The following PIN4 variants were observed in gnomAD, a reference collection of about 807,000 sequenced individuals.
The protein encoded by PIN4 is peptidylprolyl cis/trans isomerase, NIMA-interacting 4.
In PIN4, 3 loss-of-function variants were observed where a neutral mutation model predicts 8.3. The ratio of observed to expected loss-of-function variants is 0.36; its 90% confidence interval spans 0.16 to 0.93. The LOEUF (loss-of-function observed/expected upper bound fraction) is 0.93, where lower values mean the gene tolerates loss of function less well. Among genes scored for constraint, PIN4 ranks in the 40% least tolerant of loss-of-function variants. PIN4 has a pLI of 0.44. For synonymous variants in PIN4, 18 were observed against 32.5 expected (o/e 0.55, Z 1.52); for missense variants, 75 against 100.6 (o/e 0.75, Z 1.09).
intron 3 of PIN4, among the ~76,000 whole-genome samples, chrX:72,221,475 C>T (rs926974956): frequency 9.0e-6 from 1 of 111,088 alleles, no homozygotes; most frequent in Non-Finnish European, 1.9e-5. Context: ...AGAACAAAAA[C>T]AGACACCCTC....
chrX:72,182,314 G>A (rs113251723), intron 1 of PIN4, among the ~76,000 whole-genome samples: 12,035 of 111,184 alleles, frequency 0.11, 823 homozygotes, highest in East Asian at 0.47. Flanking sequence ...GGCCGAGGGA[G>A]GATGGATCAC....
chrX:72,245,927 C>G (rs758740703), intron 3 of PIN4, among the ~76,000 whole-genome samples: 1 of 111,631 alleles, frequency 9.0e-6, no homozygotes, highest in African/African-American at 3.3e-5. Flanking sequence ...GATAGAGAAA[C>G]CTTTGACAAG....
exon 4 of PIN4, chrX:72,263,043 C>T: frequency 3.5e-6 from 1 of 284,193 alleles, no homozygotes; most frequent in Non-Finnish European, 6.2e-6. Context: ...TTCATTTGTT[C>T]AGCACCCACA....
intron 3 of PIN4, among the ~76,000 whole-genome samples, chrX:72,251,878 A>G (rs939716523): frequency 2.3e-4 from 26 of 111,047 alleles, no homozygotes; most frequent in Non-Finnish European, 7.5e-5. Flanking sequence ...GCAATGAGCT[A>G]TGATTGCACC....
chrX:72,230,332 C>G (rs1358462245), intron 3 of PIN4, among the ~76,000 whole-genome samples: 1 of 110,546 alleles, frequency 9.0e-6, no homozygotes, highest in Non-Finnish European at 1.9e-5. Flanking sequence ...CTTGAGATAA[C>G]CCGCCTTGGC....
chrX:72,192,735 A>G (rs2042742236), intron 2 of PIN4, among the ~76,000 whole-genome samples: 1 of 110,597 alleles, frequency 9.0e-6, no homozygotes, highest in African/African-American at 3.3e-5. Flanking sequence ...CTAAGACTAC[A>G]GATGTGCACC....
intron 3 of PIN4, among the ~76,000 whole-genome samples, chrX:72,256,810 C>A (rs1231306287): frequency 1.8e-5 from 2 of 111,924 alleles, no homozygotes; most frequent in Non-Finnish European, 3.8e-5. Context: ...GCAAGCCATG[C>A]AGACTTCCAA....
exon 4 of PIN4, chrX:72,262,753 G>A (rs1194526560): frequency 7.0e-6 from 8 of 1,149,720 alleles, no homozygotes; most frequent in Admixed American, 5.2e-5. Flanking sequence ...GACCTGAGAA[G>A]CACCCTCATC....
intron 2 of PIN4, among the ~76,000 whole-genome samples, chrX:72,194,267 G>T (rs1462609539): frequency 1.8e-5 from 2 of 111,328 alleles, no homozygotes; most frequent in Non-Finnish European, 3.8e-5. Context: ...GGGTATGGTG[G>T]CTCATGTCTG....
At chrX:72,220,747 A>T (rs771736928) in intron 3 of PIN4, among the ~76,000 whole-genome samples, 1 of 111,715 alleles carries the variant, frequency 9.0e-6, no homozygotes, top group African/African-American at 3.2e-5. Context: ...CCCTAAAACC[A>T]ATATATACTG....
chrX:72,252,466 C>T (rs1602461350), intron 3 of PIN4, among the ~76,000 whole-genome samples: 1 of 110,776 alleles, frequency 9.0e-6, no homozygotes, highest in African/African-American at 3.3e-5. Flanking sequence ...TCACTGCAAC[C>T]CCTGCCTCCT....
chrX:72,184,198 C>T (rs1388643168), intron 1 of PIN4, among the ~76,000 whole-genome samples: 1 of 111,854 alleles, frequency 8.9e-6, no homozygotes, highest in Non-Finnish European at 1.9e-5. Context: ...AGTGGGAATG[C>T]AGTTCAGATG....
At chrX:72,214,672 CA>C (rs58451189) in intron 3 of PIN4, among the ~76,000 whole-genome samples, 157 of 41,957 alleles carry the variant, frequency 3.7e-3, no homozygotes, top group African/African-American at 7.1e-3. Flanking sequence ...GACTCCATCT[CA>C]AAAAAAAAAA....
intron 3 of PIN4, among the ~76,000 whole-genome samples, chrX:72,238,599 C>T (rs2043030867): frequency 8.9e-6 from 1 of 112,689 alleles, no homozygotes; most frequent in Admixed American, 9.4e-5. Context: ...GCTCCTCTGG[C>T]TTTTAAGGAG....
intron 3 of PIN4, among the ~76,000 whole-genome samples, chrX:72,260,457 T>C (rs2043134068): frequency 8.9e-6 from 1 of 112,077 alleles, no homozygotes; most frequent in Admixed American, 9.4e-5. Context: ...CAGGGTATCC[T>C]TGGCCCTTGC....
chrX:72,190,058 A>G (rs1412380233), intron 2 of PIN4, among the ~76,000 whole-genome samples: 2 of 110,393 alleles, frequency 1.8e-5, no homozygotes, highest in African/African-American at 3.3e-5. Flanking sequence ...GCCTCCGCCA[A>G]TCCTGTTCCT....
At chrX:72,228,738 G>C (rs893977641) in intron 3 of PIN4, among the ~76,000 whole-genome samples, 1 of 110,450 alleles carries the variant, frequency 9.1e-6, no homozygotes, top group Non-Finnish European at 1.9e-5. Context: ...AACCTTTTTC[G>C]CTTTTTGCTT....
At chrX:72,207,399 C>G in intron 3 of PIN4, 1 of 1,211,186 alleles carries the variant, frequency 8.3e-7, no homozygotes, top group Non-Finnish European at 1.1e-6. Flanking sequence ...CAGATTCTTC[C>G]ATCAATGTGT....
At chrX:72,219,831 C>T (rs898753118) in intron 3 of PIN4, among the ~76,000 whole-genome samples, 6 of 96,115 alleles carry the variant, frequency 6.2e-5, no homozygotes, top group Non-Finnish European at 1.0e-4. Flanking sequence ...CCTGGCGACA[C>T]AGTGAGACTC....
Sources: gnomAD v4.1 joint callset for allele counts (sites outside exome capture counted in the v4.1 genomes callset) on GRCh38, gnomAD v4.1.1 for gene constraint, MANE v1.5 for transcripts, NCBI Gene and HGNC (gene_info 2026-07-23, HGNC 2026-07-21) for gene names.